The following XIRP2 variants were observed in gnomAD, a reference collection of about 807,000 sequenced individuals.
XIRP2 encodes the protein xin actin binding repeat containing 2.
Under a neutral mutation model 277.0 loss-of-function variants are expected in XIRP2, and 236 were observed. That is an observed-to-expected ratio of 0.85 (90% CI 0.77 to 0.95). The LOEUF is 0.95. Among genes scored for constraint, XIRP2 ranks in the 40% least tolerant of loss-of-function variants. XIRP2 has a pLI of 0.00. For missense variants in XIRP2, 4,640 were observed against 4,157.5 expected (o/e 1.12, Z -3.19); for synonymous variants, 1,490 against 1,416.5 (o/e 1.05, Z -1.17).
At chr2:167,227,881 T>G (rs1694651401) in intron 5 of XIRP2, among the ~76,000 whole-genome samples, 1 of 152,096 alleles carries the variant, frequency 6.6e-6, no homozygotes, top group African/African-American at 2.4e-5. Context: ...TCATTACAAT[T>G]TTTTTTGCAA....
At chr2:167,136,176 T>C (rs1691545787) in intron 3 of XIRP2, 114 bp downstream of exon 3, 1 of 1,056,734 alleles carries the variant, frequency 9.5e-7, no homozygotes, top group Non-Finnish European at 1.3e-6. Context: ...AAATAATGAC[T>C]GCATATAGTT....
chr2:166,916,795 G>A (rs970302547), intron 2 of XIRP2, among the ~76,000 whole-genome samples: 2 of 152,044 alleles, frequency 1.3e-5, no homozygotes, highest in African/African-American at 2.4e-5. Context: ...GGAAACCTTG[G>A]CTCAGCAACT....
intron 2 of XIRP2, among the ~76,000 whole-genome samples, chr2:167,048,700 G>A (rs1015672399): frequency 6.6e-6 from 1 of 151,682 alleles, no homozygotes; most frequent in Non-Finnish European, 1.5e-5. Context: ...CTCTTTCTTG[G>A]TGGATCCTGA....
chr2:167,159,544 A>G (rs1197087501), intron 3 of XIRP2, among the ~76,000 whole-genome samples: 3 of 152,188 alleles, frequency 2.0e-5, no homozygotes, highest in Non-Finnish European at 4.4e-5. Flanking sequence ...TGTGAGGCAT[A>G]AAACTTATAA....
intron 2 of XIRP2, among the ~76,000 whole-genome samples, chr2:167,063,457 T>C (rs1689220886): frequency 6.6e-6 from 1 of 151,964 alleles, no homozygotes; most frequent in Admixed American, 6.6e-5. Context: ...TTATATCCTA[T>C]TGGTTTTCTT....
At chr2:167,071,237 G>A (rs1299772193) in intron 2 of XIRP2, among the ~76,000 whole-genome samples, 2 of 152,120 alleles carry the variant, frequency 1.3e-5, no homozygotes, top group East Asian at 1.9e-4. Context: ...AACTGGGTTG[G>A]TTAAACAGAA....
At chr2:167,207,522 T>G (rs1213271586) in intron 3 of XIRP2, among the ~76,000 whole-genome samples, 1 of 152,194 alleles carries the variant, frequency 6.6e-6, no homozygotes, top group East Asian at 1.9e-4. Context: ...ATAAATATTG[T>G]ACCAATGTGT....
intron 2 of XIRP2, among the ~76,000 whole-genome samples, chr2:166,962,417 A>G (rs1686322724): frequency 6.6e-6 from 1 of 151,758 alleles, no homozygotes; most frequent in Admixed American, 6.6e-5. Context: ...GTCATTGGAT[A>G]CACTAAAGAC....
chr2:166,891,745 T>A (rs374966193), intron 1 of XIRP2, among the ~76,000 whole-genome samples: 3 of 152,176 alleles, frequency 2.0e-5, no homozygotes, highest in African/African-American at 7.2e-5. Flanking sequence ...TCTGAAAGCT[T>A]GGTAACAGAA....
intron 2 of XIRP2, among the ~76,000 whole-genome samples, chr2:167,061,407 A>G (rs1019894558): frequency 1.3e-5 from 2 of 152,130 alleles, no homozygotes; most frequent in Admixed American, 6.6e-5. Flanking sequence ...TGGTGGGACC[A>G]GAAATATTTG....
chr2:167,024,563 C>G (rs1340281114), intron 2 of XIRP2, among the ~76,000 whole-genome samples: 1 of 152,030 alleles, frequency 6.6e-6, no homozygotes, highest in African/African-American at 2.4e-5. Flanking sequence ...CAGTTTTTGC[C>G]CATTCAGTAT....
Position 167,259,611 on chromosome 2 carries a change from A to G in XIRP2, c.*1794A>G, listed in dbSNP as rs1487427161. 1 of 382,676 alleles carries G rather than the reference A, an allele frequency of 2.6e-6. No individual in the cohort carries two copies. The highest frequency in any genetic ancestry group is 4.8e-6 in the Non-Finnish European group (1 of 206,888). 23.7% of individuals were successfully genotyped at this position (382,676 alleles called of 1,614,324 possible). ...ACACTATGGATATGTTTTCCATTCA[A>G]ATGGCACTTTAGCATATTGTTCTGT... On this transcript the variant is annotated 3_prime_UTR_variant, in exon 11 of 11. Coordinates refer to ENST00000409195, the MANE Select transcript of XIRP2 (RefSeq NM_152381.6).
Position 167,250,391 on chromosome 2 carries a change from C to A in XIRP2, c.8999C>A (p.Ala3000Asp). The A allele has an allele frequency of 6.2e-7, 1 of 1,613,308 alleles. No individual in the cohort carries two copies. The highest frequency in any genetic ancestry group is 8.5e-7 in the Non-Finnish European group (1 of 1,179,622). ...EDKREYAVHI[A>D]MENNLEKVKE... ...AAGAGAGAATATGCAGTTCACATTG[C>A]CATGGAGAATAATTTAGAAAAAGTA... The change falls in exon 9 of 11, where the codon GCC (alanine) becomes GAC (aspartate). Residue 3000 changes from alanine to aspartate, a missense_variant. By Grantham distance (126) the Ala-to-Asp change is moderately radical. Transcript: ENST00000409195.
chr2:167,036,627 T>A (rs992189101), intron 2 of XIRP2, among the ~76,000 whole-genome samples: 3 of 152,098 alleles, frequency 2.0e-5, no homozygotes, highest in African/African-American at 7.2e-5. Context: ...CTGAAGACTT[T>A]TGGGTTAATG....
chr2:166,968,608 A>G (rs1019154598), intron 2 of XIRP2, among the ~76,000 whole-genome samples: 1 of 151,992 alleles, frequency 6.6e-6, no homozygotes, highest in African/African-American at 2.4e-5. Context: ...TATTTGTTGC[A>G]AAGTCTTTTT....
intron 5 of XIRP2, among the ~76,000 whole-genome samples, chr2:167,222,371 G>A (rs952649895): frequency 6.6e-6 from 1 of 152,252 alleles, no homozygotes; most frequent in Non-Finnish European, 1.5e-5. Context: ...TGGTGGGAAG[G>A]GTTGAGCTTC....
chr2:167,255,455 C>T (rs1463188765), intron 10 of XIRP2, among the ~76,000 whole-genome samples: 2 of 151,746 alleles, frequency 1.3e-5, no homozygotes, highest in Non-Finnish European at 1.5e-5. Context: ...TCCTTTCCTT[C>T]ATTCCCTACA....
chr2:167,196,600 A>G (rs1693526945), intron 3 of XIRP2, among the ~76,000 whole-genome samples: 1 of 152,096 alleles, frequency 6.6e-6, no homozygotes, highest in African/African-American at 2.4e-5. Context: ...CTGTAACGGC[A>G]ACCTAGTGTC....
At chr2:167,032,917 C>T (rs970298763) in intron 2 of XIRP2, among the ~76,000 whole-genome samples, 1 of 152,086 alleles carries the variant, frequency 6.6e-6, no homozygotes, top group African/African-American at 2.4e-5. Context: ...CCAGTAATAC[C>T]ATTTGACCCA....
Sources: allele counts gnomAD v4.1 joint callset (sites outside exome capture counted in the v4.1 genomes callset), GRCh38; gene constraint gnomAD v4.1.1; transcripts MANE v1.5; gene names NCBI Gene and HGNC (gene_info 2026-07-23, HGNC 2026-07-21).